Variants in KIRREL3 observed in about 807,000 individuals in gnomAD.
KIRREL3 encodes kin of IRRE-like protein 3.
A neutral mutation model predicts 89.7 loss-of-function variants in KIRREL3; 36 were observed. The observed-to-expected ratio is 0.40, with a 90% CI of 0.31 to 0.53. The LOEUF (loss-of-function observed/expected upper bound fraction) is 0.53. Ranked by LOEUF, KIRREL3 falls within the 20% of genes least tolerant of loss-of-function variation. The probability of loss-of-function intolerance (pLI) is 0.49; values close to 1 mark genes in which losing one functional copy is unlikely to be tolerated. For missense variants in KIRREL3, 864 were observed against 1,056.6 expected, an observed-to-expected ratio of 0.82 and a Z score of 2.53; for synonymous variants, 445 against 441.4, an observed-to-expected ratio of 1.01 and a Z score of -0.10.
At position 126,620,494 on chromosome 11, in the gene KIRREL3, A is replaced by C. The variant is rs1055273051; in HGVS notation, c.56-57582T>G. Among the ~76,000 whole-genome samples, 3 of 152,188 alleles carry C rather than the reference A, an allele frequency of 2.0e-5. No homozygotes were observed. Among genetic ancestry groups the C allele is most frequent in the South Asian group, 2.1e-4 (1 of 4,834 alleles). On this transcript the variant is annotated intron_variant, in intron 1 of 16. Coordinates refer to ENST00000525144, the MANE Select transcript of KIRREL3 (RefSeq NM_032531.4). This position sits in a 1 kb window ranked among gnomAD's most constrained non-coding sequence, Gnocchi z 4.8. ...AGGCTCTAGGTCCATGAAAGGGCCCACATACACCACACACCATTGTCTATG... is the reference window on the plus strand; with the variant it reads ...AGGCTCTAGGTCCATGAAAGGGCCCCCATACACCACACACCATTGTCTATG...
rs1950273953 is a variant in KIRREL3, at chr11:126,999,931, T to C, written c.55+524A>G. Reference sequence around the variant, plus strand: ...ACAAGCTTTTCCCAACCACTGCAAATTACCCCCCACAATACATTCTGTAAT... The same window carrying C: ...ACAAGCTTTTCCCAACCACTGCAAACTACCCCCCACAATACATTCTGTAAT... On this transcript the variant is annotated intron_variant, in intron 1 of 16. Transcript: ENST00000525144. This position sits in a 1 kb window ranked among gnomAD's most constrained non-coding sequence, Gnocchi z 5.7. Among the ~76,000 whole-genome samples, 1 of 152,082 alleles carries C rather than the reference T, an allele frequency of 6.6e-6. No homozygotes were observed.
At chr11:126,959,679 A>C (rs931718450) in intron 1 of KIRREL3, among the ~76,000 whole-genome samples, 1 of 152,140 alleles carries the variant, frequency 6.6e-6, no homozygotes, top group African/African-American at 2.4e-5. Flanking sequence ...GCCTGTCCAA[A>C]GGAGATGGCA....
At chr11:126,767,069 A>G (rs974108805) in intron 1 of KIRREL3, among the ~76,000 whole-genome samples, 7 of 152,250 alleles carry the variant, frequency 4.6e-5, no homozygotes, top group African/African-American at 1.7e-4. Flanking sequence ...ACAAAGAGAT[A>G]TGCCTGGCCC....
chr11:126,840,758 G>A (rs7947216), intron 1 of KIRREL3, among the ~76,000 whole-genome samples: 128,813 of 152,190 alleles, frequency 0.85, 54,698 homozygotes, highest in East Asian at 1. Context: ...AAGTCACTCA[G>A]TAGCCCTCTG....
rs1947498978 is a variant in KIRREL3, at chr11:126,705,644, G to C, written c.56-142732C>G. 6.6e-6 allele frequency among the ~76,000 whole-genome samples: 1 copy of C among 151,646 alleles called. No homozygotes were observed. Among genetic ancestry groups the C allele is most frequent in the Non-Finnish European group, 1.5e-5 (1 of 68,036 alleles). On this transcript the variant is annotated intron_variant, in intron 1 of 16. Coordinates refer to ENST00000525144, the MANE Select transcript of KIRREL3 (RefSeq NM_032531.4). This position sits in a 1 kb window ranked among gnomAD's most constrained non-coding sequence, Gnocchi z 4.3. ...ATTTCTTTATAGTAATGTAAGAATG[G>C]TCTAACACTACGTATGTGCAAGTGT...
At chr11:126,731,767 A>G (rs1227477747) in intron 1 of KIRREL3, among the ~76,000 whole-genome samples, 2 of 152,254 alleles carry the variant, frequency 1.3e-5, no homozygotes, top group African/African-American at 4.8e-5. Flanking sequence ...ACAACAAGAA[A>G]CTAATCACAT....
chr11:126,770,699 T>TG (rs1426912303), intron 1 of KIRREL3, among the ~76,000 whole-genome samples: 1 of 152,180 alleles, frequency 6.6e-6, no homozygotes, highest in Non-Finnish European at 1.5e-5. Flanking sequence ...TCCTCAAAGA[T>TG]GGCATTTGAA....
At chr11:126,503,638 T>C (rs906816006) in intron 4 of KIRREL3, among the ~76,000 whole-genome samples, 1 of 152,176 alleles carries the variant, frequency 6.6e-6, no homozygotes, top group East Asian at 1.9e-4. Context: ...GTTAATATAT[T>C]GCAACTCTAA....
In KIRREL3 at chr11:126,447,677, C is replaced by G. The variant is rs187609709; in HGVS notation, c.998-791G>C. ...CAAGCTTGGTCTACACAGTGGGGGC[C>G]GTGTGGGGATTCCAGGCTCAGGGTC... On this transcript the variant is annotated intron_variant, in intron 8 of 16. Coordinates refer to ENST00000525144, the MANE Select transcript of KIRREL3 (RefSeq NM_032531.4). Among the ~76,000 whole-genome samples, 209 of 152,194 alleles carry G rather than the reference C, an allele frequency of 1.4e-3. 2 individuals are homozygous for G. The highest frequency in any genetic ancestry group is 3.4e-3 in the Middle Eastern group (1 of 294).
In KIRREL3 at chr11:126,923,129, C is replaced by CTCCTCCTTCTTCTTCTTCTTCTTCT. The variant is rs1246765425; in HGVS notation, c.55+77325_55+77326insAGAAGAAGAAGAAGAAGAAGGAGGA. ...CCTTCTCCTTCTCCTTCTCCTTCTT[C>CTCCTCCTTCTTCTTCTTCTTCTTCT]TCTTCTTCTTCTTCTTCTTCTTCTT... On this transcript the variant is annotated intron_variant, in intron 1 of 16. Transcript: ENST00000525144. Among the ~76,000 whole-genome samples the CTCCTCCTTCTTCTTCTTCTTCTTCT allele has an allele frequency of 5.1e-4, 13 of 25,740 alleles. 2 individuals are homozygous for CTCCTCCTTCTTCTTCTTCTTCTTCT. The highest frequency in any genetic ancestry group is 1.6e-3 in the Admixed American group (4 of 2,466). 16.9% of individuals were successfully genotyped at this position (25,740 alleles called of 152,430 possible).
rs1308179703 is a variant in KIRREL3 at position 126,531,693 on chromosome 11, G to C, written c.134-5006C>G. On this transcript the variant is annotated intron_variant, in intron 2 of 16. Coordinates refer to ENST00000525144, the MANE Select transcript of KIRREL3 (RefSeq NM_032531.4). The surrounding 1 kb of genome is among the most constrained non-coding windows in gnomAD (Gnocchi z 4.7). ...CGTCTTCTCTCTATATTCTCATCTT[G>C]CCTCTTTTTCATCAATTTCTCCAAA... Among the ~76,000 whole-genome samples, 3 of 151,512 alleles carry C rather than the reference G, an allele frequency of 2.0e-5. No individual in the cohort carries two copies. Among genetic ancestry groups the C allele is most frequent in the African/African-American group, 7.3e-5 (3 of 41,150 alleles).
At chr11:126,841,492 G>A (rs145220751) in intron 1 of KIRREL3, among the ~76,000 whole-genome samples, 2 of 152,290 alleles carry the variant, frequency 1.3e-5, no homozygotes, top group African/African-American at 4.8e-5. Context: ...TGAGCTTATT[G>A]AATAAATCCC....
chr11:126,451,834 G>A (rs1373505035), intron 7 of KIRREL3, among the ~76,000 whole-genome samples: 1 of 152,014 alleles, frequency 6.6e-6, no homozygotes, highest in Non-Finnish European at 1.5e-5. Flanking sequence ...TTGAAACCAC[G>A]GAACTTCTCT....
At position 126,537,263 on chromosome 11, in the gene KIRREL3, C is replaced by T. The variant is rs997427265; in HGVS notation, c.134-10576G>A. Among the ~76,000 whole-genome samples, 13 of 152,202 alleles carry T rather than the reference C, an allele frequency of 8.5e-5. No homozygotes were observed. The highest frequency in any genetic ancestry group is 3.1e-4 in the African/African-American group (13 of 41,446). ...CCCAGCTGAAACCCTGCCTGCACCC[C>T]TCAACTCTCAGGACATTCTGTGAAA... On this transcript the variant is annotated intron_variant, in intron 2 of 16. Transcript: ENST00000525144. The surrounding 1 kb of genome is among the most constrained non-coding windows in gnomAD (Gnocchi z 4.3).
At position 126,652,234 on chromosome 11, in the gene KIRREL3, CCA is replaced by C. The variant is rs1486562902; in HGVS notation, c.56-89324_56-89323del. ...TTGAGTTCCGGTGTCTGTTAACCCC[CCA>C]CCCCTTGTTCTTTGTGTGAAACCAG... On this transcript the variant is annotated intron_variant, in intron 1 of 16. Coordinates refer to ENST00000525144, the MANE Select transcript of KIRREL3 (RefSeq NM_032531.4). This position sits in a 1 kb window ranked among gnomAD's most constrained non-coding sequence, Gnocchi z 4.9. Among the ~76,000 whole-genome samples, 1 of 152,034 alleles carries C rather than the reference CCA, an allele frequency of 6.6e-6. No homozygotes were observed. The highest frequency in any genetic ancestry group is 1.5e-5 in the Non-Finnish European group (1 of 68,006).
rs1159814988 is a variant in KIRREL3, at chr11:126,541,417, G to T, written c.134-14730C>A. Among the ~76,000 whole-genome samples, 1 of 152,054 alleles carries T rather than the reference G, an allele frequency of 6.6e-6. No individual in the cohort carries two copies. The highest frequency in any genetic ancestry group is 1.5e-5 in the Non-Finnish European group (1 of 68,024). ...TTTCGGGGGTGGGGGGTGGTCCTAA[G>T]GTTGAAAATAATAAAATCAAGGTGC... On this transcript the variant is annotated intron_variant, in intron 2 of 16. Coordinates refer to ENST00000525144, the MANE Select transcript of KIRREL3 (RefSeq NM_032531.4). This position sits in a 1 kb window ranked among gnomAD's most constrained non-coding sequence, Gnocchi z 4.8.
chr11:126,914,869 G>A (rs1362888905), intron 1 of KIRREL3, among the ~76,000 whole-genome samples: 1 of 152,168 alleles, frequency 6.6e-6, no homozygotes, highest in East Asian at 1.9e-4. Flanking sequence ...CCAAATGTAC[G>A]TTGAAAAGTA....
intron 1 of KIRREL3, among the ~76,000 whole-genome samples, chr11:126,799,280 G>C (rs949443434): frequency 4.2e-5 from 6 of 142,562 alleles, no homozygotes; most frequent in Admixed American, 2.1e-4. Context: ...GTACCTGTGT[G>C]TGCATGTGTG....
Position 126,768,170 on chromosome 11 carries a change from A to ATCCATCCATCCAATCCATCC in KIRREL3, c.56-205259_56-205258insGGATGGATTGGATGGATGGA, listed in dbSNP as rs1171306684. ...CATCCATCCATCCATCCATCCATCC[A>ATCCATCCATCCAATCCATCC]ATCCATCCATCCATCCATCCATCCA... On this transcript the variant is annotated intron_variant, in intron 1 of 16. Coordinates refer to ENST00000525144, the MANE Select transcript of KIRREL3 (RefSeq NM_032531.4). The surrounding 1 kb of genome is among the most constrained non-coding windows in gnomAD (Gnocchi z 4.5). Among the ~76,000 whole-genome samples, 47 of 79,932 alleles carry ATCCATCCATCCAATCCATCC rather than the reference A, an allele frequency of 5.9e-4. No individual in the cohort carries two copies. Among genetic ancestry groups the ATCCATCCATCCAATCCATCC allele is most frequent in the Non-Finnish European group, 1.1e-3 (37 of 34,574 alleles). The allele number at this position is 79,932 out of a possible 152,430, so 52.4% of individuals were successfully genotyped here. A position where few individuals can be genotyped will look rare whatever the true frequency, so the allele number is the denominator to read the frequency against.
Sources: gnomAD v4.1 joint callset for allele counts (sites outside exome capture counted in the v4.1 genomes callset) on GRCh38, gnomAD v4.1.1 for gene constraint, Gnocchi (gnomAD v3.1) non-coding constraint, MANE v1.5 for transcripts, NCBI Gene and HGNC (gene_info 2026-07-23, HGNC 2026-07-21) for gene names.